TM6SF1: variants seen among roughly 807,000 people sequenced by gnomAD.
TM6SF1 encodes transmembrane 6 superfamily member 1.
A neutral mutation model predicts 47.1 loss-of-function variants in TM6SF1; 43 were observed. The observed-to-expected ratio is 0.91, with a 90% CI of 0.72 to 1.18. The LOEUF (loss-of-function observed/expected upper bound fraction) is 1.18, where lower values mean the gene tolerates loss of function less well. TM6SF1 is among the 50% of genes most tolerant of loss of function. The pLI is 0.00. For synonymous variants in TM6SF1, 177 were observed against 166.3 expected (o/e 1.06, Z -0.49); for missense variants, 390 against 449.0 (o/e 0.87, Z 1.19).
At chr15:83,111,652 T>C (rs979930864) in intron 1 of TM6SF1, 64 of 985,330 alleles carry the variant, frequency 6.5e-5, no homozygotes, top group Admixed American at 1.2e-4. Flanking sequence ...GGAGTGGTGC[T>C]TGTAGCTGCT....
chr15:83,127,766 T>C, intron 9 of TM6SF1: 1 of 329,400 alleles, frequency 3.0e-6, no homozygotes, highest in South Asian at 2.9e-5. Flanking sequence ...GGCATTGTTG[T>C]TTTATTGGAC....
chr15:83,135,968 T>C (rs911169192), intron 9 of TM6SF1: 1 of 152,294 alleles, frequency 6.6e-6, no homozygotes, highest in Admixed American at 6.5e-5. Flanking sequence ...AAGGAGTAGA[T>C]GAAAGACTGA....
At chr15:83,130,637 A>G (rs1390060990) in intron 9 of TM6SF1, 1 of 152,224 alleles carries the variant, frequency 6.6e-6, no homozygotes, top group Non-Finnish European at 1.5e-5. Context: ...ATATCTACCC[A>G]CTTATAGTGT....
chr15:83,128,720 A>AT (rs1453785537), intron 9 of TM6SF1: 4 of 151,952 alleles, frequency 2.6e-5, no homozygotes, highest in East Asian at 3.9e-4. Flanking sequence ...CCTCTCTTCC[A>AT]TTTTTTCATT....
chr15:83,122,960 G>A, intron 6 of TM6SF1, 82 bp downstream of exon 6: 1 of 1,517,964 alleles, frequency 6.6e-7, no homozygotes. Context: ...ATTGAACCAT[G>A]CCTCTGTGGA....
At chr15:83,115,646 A>T in intron 2 of TM6SF1, 199 bp from the exon 3 acceptor site, 1 of 687,108 alleles carries the variant, frequency 1.5e-6, no homozygotes. Context: ...GTACTTAGGC[A>T]GGGATGGGGA....
At position 83,107,830 on chromosome 15, in the gene TM6SF1, C is replaced by A; in HGVS notation, c.92+58C>A. On this transcript the variant is annotated intron_variant, in intron 1 of 9. Transcript: ENST00000322019. The surrounding 1 kb of genome is among the most constrained non-coding windows in gnomAD (Gnocchi z 5.6). ...AGGGGCGGCGGGAGTTGGCTCGCCG[C>A]GACGGGAGCCTCGCAACTTTTCCGA... is the stretch of plus-strand genomic sequence containing the variant. The A allele has an allele frequency of 6.6e-7, 1 of 1,520,362 alleles. No individual in the cohort carries two copies. The highest frequency in any genetic ancestry group is 8.8e-7 in the Non-Finnish European group (1 of 1,134,240). The allele number at this position is 1,520,362 out of a possible 1,614,324, so 94.2% of individuals were successfully genotyped here.
At chr15:83,110,156 G>A (rs1170849793) in intron 1 of TM6SF1, among the ~76,000 whole-genome samples, 1 of 152,102 alleles carries the variant, frequency 6.6e-6, no homozygotes, top group East Asian at 1.9e-4. Context: ...AAATTAGATT[G>A]AGAGGTCAGG....
chr15:83,110,935 A>G (rs1195034642), intron 1 of TM6SF1, among the ~76,000 whole-genome samples: 1 of 152,128 alleles, frequency 6.6e-6, no homozygotes, highest in Non-Finnish European at 1.5e-5. Context: ...CAGTGGTGCA[A>G]TCTTGGCTCA....
chr15:83,121,295 T>A (rs892256292), intron 4 of TM6SF1, among the ~76,000 whole-genome samples: 1 of 151,716 alleles, frequency 6.6e-6, no homozygotes, highest in African/African-American at 2.4e-5. Flanking sequence ...TTGGCCAGGC[T>A]GGTTTCAAAC....
chr15:83,125,085 G>A (rs776199754), intron 7 of TM6SF1, among the ~76,000 whole-genome samples: 7 of 152,276 alleles, frequency 4.6e-5, no homozygotes, highest in Non-Finnish European at 8.8e-5. Context: ...TGATTTAAAT[G>A]TAAATATCTT....
intron 7 of TM6SF1, among the ~76,000 whole-genome samples, chr15:83,126,241 G>A (rs2035740602): frequency 6.6e-6 from 1 of 152,122 alleles, no homozygotes; most frequent in Non-Finnish European, 1.5e-5. Context: ...ACTCAGAGGG[G>A]ACCTAGTAAA....
chr15:83,107,739 C>T lies in TM6SF1; in HGVS notation c.59C>T (p.Thr20Ile), dbSNP rs773534766. The stretch of plus-strand genomic sequence containing the variant: ...CTGTCCCTCTCGGCCATCCCGGTCA[C>T]CTATGTCTTCAACCACCTGGCGGCC... ...FVLSLSAIPV[T>I]YVFNHLAAQH... The change falls in exon 1 of 10, where the codon ACC becomes ATC. Residue 20 changes from threonine to isoleucine, a missense_variant. Thr to Ile is a moderately conservative substitution (Grantham distance 89, BLOSUM62 -1). Coordinates refer to ENST00000322019, the MANE Select transcript of TM6SF1 (RefSeq NM_023003.5). This position sits in a 1 kb window ranked among gnomAD's most constrained non-coding sequence, Gnocchi z 5.6. The T allele has an allele frequency of 1.1e-5, 18 of 1,584,416 alleles. No homozygotes were observed. Among genetic ancestry groups the T allele is most frequent in the East Asian group, 2.4e-5 (1 of 41,138 alleles).
In TM6SF1 at chr15:83,127,356, A is replaced by C; in HGVS notation, c.802-2A>C. The C allele has an allele frequency of 1.2e-6, 2 of 1,611,008 alleles. No individual in the cohort carries two copies. Among genetic ancestry groups the C allele is most frequent in the Non-Finnish European group, 1.7e-6 (2 of 1,178,916 alleles). On this transcript the variant is annotated splice_acceptor_variant, in intron 8 of 9. Transcript: ENST00000322019. LOFTEE classifies it high-confidence loss of function. Reference sequence around the variant, plus strand: ...ATGATGTTATTTCTCTGTTCAATACAGATGCTGGCATATATGTTCTATTCT... The same window carrying C: ...ATGATGTTATTTCTCTGTTCAATACCGATGCTGGCATATATGTTCTATTCT...
At chr15:83,123,064 G>A (rs2035421083) in intron 6 of TM6SF1, among the ~76,000 whole-genome samples, 186 bp downstream of exon 6, 1 of 152,206 alleles carries the variant, frequency 6.6e-6, no homozygotes, top group East Asian at 1.9e-4. Context: ...GTCTGTTTCT[G>A]TCTGAATACA....
At chr15:83,108,016 C>T in intron 1 of TM6SF1, 1 of 758,678 alleles carries the variant, frequency 1.3e-6, no homozygotes, top group Non-Finnish European at 1.8e-6. Flanking sequence ...GGTGCCAGCA[C>T]CGCGCCAGGT....
chr15:83,131,037 C>G (rs2036194406), intron 9 of TM6SF1: 1 of 152,082 alleles, frequency 6.6e-6, no homozygotes. Flanking sequence ...TTGCAGTGAG[C>G]CGAGACTGTG....
intron 1 of TM6SF1, chr15:83,111,638 T>C: frequency 3.0e-6 from 3 of 985,344 alleles, no homozygotes; most frequent in Non-Finnish European, 3.6e-6. Context: ...GGGGTCTCAG[T>C]TGAGGAGTGG....
intron 9 of TM6SF1, chr15:83,131,098 C>G (rs2036204746): frequency 6.6e-6 from 1 of 151,886 alleles, no homozygotes; most frequent in South Asian, 2.1e-4. Context: ...TCTCTCCCAC[C>G]ACCACAAAAA....
Sources: allele counts gnomAD v4.1 joint callset (sites outside exome capture counted in the v4.1 genomes callset), GRCh38; gene constraint gnomAD v4.1.1; non-coding constraint Gnocchi (gnomAD v3.1); transcripts MANE v1.5; gene names NCBI Gene and HGNC (gene_info 2026-07-23, HGNC 2026-07-21).